PMS1: variants seen among roughly 807,000 people sequenced by gnomAD.
The protein encoded by PMS1 is PMS1 protein homolog 1.
A neutral mutation model predicts 93.1 loss-of-function variants in PMS1; 79 were observed. That is an observed-to-expected ratio of 0.85 (90% CI 0.71 to 1.02). The LOEUF is 1.02. PMS1 is among the 50% of genes least tolerant of loss of function. The pLI, the probability that PMS1 is intolerant of heterozygous loss-of-function variation, is 0.00. For synonymous variants in PMS1, 335 were observed against 363.4 expected (o/e 0.92, Z 0.89); for missense variants, 1,064 against 1,085.3 (o/e 0.98, Z 0.28).
At chr2:189,787,600 T>TA (rs2048476013) in intron 1 of PMS1, among the ~76,000 whole-genome samples, 5 of 28,390 alleles carry the variant, frequency 1.8e-4, no homozygotes, top group South Asian at 9.7e-4. Context: ...ACTTCACTTT[T>TA]TTATTTTTTT....
Position 189,818,226 on chromosome 2 carries a change from T to TAAAC in PMS1, c.582+49_582+52dup, listed in dbSNP as rs2066454. 0.031 allele frequency: 38,030 copies of TAAAC among 1,212,250 alleles called. 1,542 individuals are homozygous for TAAAC. The highest frequency in any genetic ancestry group is 0.17 in the African/African-American group (10,965 of 65,690). 75.1% of individuals were successfully genotyped at this position (1,212,250 alleles called of 1,614,324 possible). On this transcript the variant is annotated intron_variant, in intron 5 of 12. Transcript: ENST00000441310. ...ATAAGTTTCTGGGTATATGATATAATAAACAATGTATACTTTATAAATCAG... is the reference window on the plus strand; with the variant it reads ...ATAAGTTTCTGGGTATATGATATAATAAACAAACAATGTATACTTTATAAATCAG...
At chr2:189,823,144 T>C (rs2052095318) in intron 5 of PMS1, among the ~76,000 whole-genome samples, 3 of 152,096 alleles carry the variant, frequency 2.0e-5, no homozygotes, top group African/African-American at 7.2e-5. Flanking sequence ...CTTTAAAACT[T>C]TGGATCTTTA....
intron 4 of PMS1, among the ~76,000 whole-genome samples, chr2:189,814,476 T>C (rs1361242767): frequency 6.6e-6 from 1 of 152,114 alleles, no homozygotes; most frequent in East Asian, 1.9e-4. Flanking sequence ...TCTCTTATAG[T>C]AAATTTCCTT....
intron 5 of PMS1, among the ~76,000 whole-genome samples, chr2:189,834,097 A>G (rs763963126): frequency 2.7e-4 from 41 of 152,172 alleles, no homozygotes; most frequent in Non-Finnish European, 4.3e-4. Context: ...GAGCATTCAC[A>G]GCACAGCGCC....
In PMS1 at chr2:189,854,058, A is replaced by G; in HGVS notation, c.942A>G (p.Lys314=). The G allele has an allele frequency of 6.2e-7, 1 of 1,600,234 alleles. No homozygotes were observed. The highest frequency in any genetic ancestry group is 8.5e-7 in the Non-Finnish European group (1 of 1,172,124). ...TTGATGTAAATTTAACACCAGATAA[A>G]AGCCAAGTATTATTACAAAATAAGG... ...ADVDVNLTPD[K]SQVLLQNKES... is the part of the protein sequence containing the mutation. The change falls in exon 8 of 13, where the codon AAA becomes AAG. Residue 314 remains lysine, a synonymous_variant. Transcript: ENST00000441310.
intron 5 of PMS1, among the ~76,000 whole-genome samples, chr2:189,832,879 C>G (rs762920537): frequency 5.9e-5 from 9 of 152,038 alleles, no homozygotes; most frequent in Non-Finnish European, 1.0e-4. Context: ...AAATAGTAGT[C>G]TCCTATTCCT....
chr2:189,846,713 A>G (rs1330914620), intron 6 of PMS1, among the ~76,000 whole-genome samples: 1 of 152,152 alleles, frequency 6.6e-6, no homozygotes, highest in Admixed American at 6.5e-5. Flanking sequence ...CCAAATTTTC[A>G]TGCCTGAGAA....
At chr2:189,838,710 A>G (rs2053583486) in intron 5 of PMS1, among the ~76,000 whole-genome samples, 1 of 152,198 alleles carries the variant, frequency 6.6e-6, no homozygotes, top group Non-Finnish European at 1.5e-5. Context: ...GCCGCAGTAT[A>G]TTAATACTAG....
intron 3 of PMS1, among the ~76,000 whole-genome samples, chr2:189,803,071 C>T (rs892418580): frequency 1.3e-5 from 2 of 152,190 alleles, no homozygotes; most frequent in African/African-American, 4.8e-5. Flanking sequence ...GAAAACATTT[C>T]AGCCATTCAG....
intron 4 of PMS1, among the ~76,000 whole-genome samples, chr2:189,813,962 G>T (rs977698764): frequency 1.1e-4 from 17 of 152,188 alleles, no homozygotes; most frequent in Non-Finnish European, 7.3e-5. Flanking sequence ...ACATCTAGGG[G>T]AACAAAGAAT....
intron 5 of PMS1, among the ~76,000 whole-genome samples, chr2:189,829,707 C>T (rs2052753779): frequency 6.6e-6 from 1 of 152,216 alleles, no homozygotes; most frequent in South Asian, 2.1e-4. Context: ...GACAGTCATA[C>T]TCCTGTTTTT....
chr2:189,808,589 G>A (rs558866623), intron 4 of PMS1, among the ~76,000 whole-genome samples: 25 of 152,120 alleles, frequency 1.6e-4, no homozygotes, highest in Non-Finnish European at 2.6e-4. Context: ...CCTCAGCCCC[G>A]CAAAGTGCTG....
In PMS1 at chr2:189,784,571, G is replaced by C. The variant is rs1037035709; in HGVS notation, c.-43G>C. 5 of 153,000 alleles carry C rather than the reference G, an allele frequency of 3.3e-5. No homozygotes were observed. The highest frequency in any genetic ancestry group is 3.8e-4 in the East Asian group (2 of 5,264). 9.5% of individuals were successfully genotyped at this position (153,000 alleles called of 1,614,324 possible). On this transcript the variant is annotated 5_prime_UTR_variant, in exon 1 of 13. Coordinates refer to ENST00000441310, the MANE Select transcript of PMS1 (RefSeq NM_000534.5). ...TGCTTGCGGCTAGTGGATGGTAATT[G>C]CCTGCCTCGCGCTAGCAGGAAGGTA...
chr2:189,794,221 TC>T, intron 2 of PMS1, among the ~76,000 whole-genome samples: 1 of 152,306 alleles, frequency 6.6e-6, no homozygotes, highest in East Asian at 1.9e-4. Context: ...CAAGCGATTC[TC>T]CTGCCTCAGC....
At chr2:189,806,743 A>C (rs2050382943) in intron 4 of PMS1, 1 of 198,566 alleles carries the variant, frequency 5.0e-6, no homozygotes, top group South Asian at 1.9e-4. Context: ...ATAAAGGTAA[A>C]AAAGATCTCT....
At chr2:189,813,223 T>G (rs1199846683) in intron 4 of PMS1, among the ~76,000 whole-genome samples, 1 of 152,202 alleles carries the variant, frequency 6.6e-6, no homozygotes, top group Non-Finnish European at 1.5e-5. Flanking sequence ...TATCTGCCTT[T>G]GGAAACCATT....
Position 189,859,751 on chromosome 2 carries a change from A to C in PMS1, c.1857-3992A>C, listed in dbSNP as rs1445743182. On this transcript the variant is annotated intron_variant, in intron 9 of 12. Transcript: ENST00000441310. ...CCATTATCTTCTACCTTTGAAATTG[A>C]GTTAAATTAGATGGTTTGGGTGTGT... is the stretch of plus-strand genomic sequence containing the variant. Among the ~76,000 whole-genome samples, 4 of 152,036 alleles carry C rather than the reference A, an allele frequency of 2.6e-5. No individual in the cohort carries two copies. In the East Asian group the frequency reaches 7.7e-4, roughly 29 times the overall value.
At chr2:189,866,391 A>G (rs2056661051) in intron 10 of PMS1, among the ~76,000 whole-genome samples, 1 of 152,240 alleles carries the variant, frequency 6.6e-6, no homozygotes, top group Admixed American at 6.5e-5. Context: ...ATAAACAGGA[A>G]TAAAGATTAA....
intron 9 of PMS1, among the ~76,000 whole-genome samples, chr2:189,860,575 A>G (rs1367236045): frequency 1.3e-5 from 2 of 152,016 alleles, no homozygotes; most frequent in Non-Finnish European, 2.9e-5. Flanking sequence ...CGGATATTTT[A>G]TTTCTAATTT....
Sources: allele counts gnomAD v4.1 joint callset (sites outside exome capture counted in the v4.1 genomes callset), GRCh38; gene constraint gnomAD v4.1.1; transcripts MANE v1.5; gene names NCBI Gene and HGNC (gene_info 2026-07-23, HGNC 2026-07-21).